The following ARL2 variants were observed in gnomAD, a reference collection of about 807,000 sequenced individuals.
The protein encoded by ARL2 is ADP-ribosylation factor-like protein 2.
A neutral mutation model predicts 22.0 loss-of-function variants in ARL2; 11 were observed. The observed-to-expected ratio is 0.50, with a 90% confidence interval of 0.31 to 0.83. ARL2 has a LOEUF of 0.83. Ranked by LOEUF, ARL2 falls within the 40% of genes least tolerant of loss-of-function variation. The probability of loss-of-function intolerance (pLI) is 0.04; values close to 1 mark genes in which losing one functional copy is unlikely to be tolerated. For synonymous variants in ARL2, 111 were observed against 100.8 expected, an observed-to-expected ratio of 1.10 and a Z score of -0.61; for missense variants, 216 against 243.2, an observed-to-expected ratio of 0.89 and a Z score of 0.74.
Position 65,022,061 on chromosome 11 carries a change from G to A in ARL2, c.*206G>A. The A allele has an allele frequency of 1.4e-6, 1 of 700,384 alleles. No individual in the cohort carries two copies. 43.4% of individuals were successfully genotyped at this position (700,384 alleles called of 1,614,324 possible). A position where few individuals can be genotyped will look rare whatever the true frequency, so the allele number is the denominator to read the frequency against. On this transcript the variant is annotated 3_prime_UTR_variant, in exon 5 of 5. Coordinates refer to ENST00000246747, the MANE Select transcript of ARL2 (RefSeq NM_001667.4). ...TGCCCTGGCTGTCTCTCTGGCTCCT[G>A]ACCTGGCCTTTGGCTACCATACCAA... is the stretch of plus-strand genomic sequence containing the variant.
rs1946333534 is a variant in ARL2 at position 65,021,945 on chromosome 11, C to G, written c.*90C>G. The G allele has an allele frequency of 1.3e-6, 2 of 1,512,578 alleles. No homozygotes were observed. Among genetic ancestry groups the G allele is most frequent in the Non-Finnish European group, 1.8e-6 (2 of 1,121,968 alleles). The allele number at this position is 1,512,578 out of a possible 1,614,324, so 93.7% of individuals were successfully genotyped here. A position where few individuals can be genotyped will look rare whatever the true frequency, so the allele number is the denominator to read the frequency against. On this transcript the variant is annotated 3_prime_UTR_variant, in exon 5 of 5. Coordinates refer to ENST00000246747, the MANE Select transcript of ARL2 (RefSeq NM_001667.4). The stretch of plus-strand genomic sequence containing the variant: ...GGGGGTTGGGAGTCAGCCGGCCAAA[C>G]TAACACTCCCCCTCCTCCACCCCAG...
At chr11:65,015,560 C>T (rs1554976932) in intron 1 of ARL2, among the ~76,000 whole-genome samples, 3 of 150,966 alleles carry the variant, frequency 2.0e-5, no homozygotes, top group South Asian at 2.1e-4. Context: ...TTCTGTAATG[C>T]GTGTGTGTGT....
At position 65,018,344 on chromosome 11, in the gene ARL2, C is replaced by A; in HGVS notation, c.66-20C>A. 2 of 1,577,580 alleles carry A rather than the reference C, an allele frequency of 1.3e-6. No homozygotes were observed. The highest frequency in any genetic ancestry group is 1.7e-6 in the Non-Finnish European group (2 of 1,161,190). On this transcript the variant is annotated intron_variant, in intron 1 of 4. Coordinates refer to ENST00000246747, the MANE Select transcript of ARL2 (RefSeq NM_001667.4). The surrounding 1 kb of genome is among the most constrained non-coding windows in gnomAD (Gnocchi z 4.2). Reference sequence around the variant, plus strand: ...ACCTGGCAGAGAACAGGGACTTCTCCTTAACCTGCTGCGCCCCAGTGGCCT... The same window carrying A: ...ACCTGGCAGAGAACAGGGACTTCTCATTAACCTGCTGCGCCCCAGTGGCCT...
Position 65,018,267 on chromosome 11 carries a change from A to C in ARL2, c.66-97A>C. The C allele has an allele frequency of 1.1e-6, 1 of 950,338 alleles. No individual in the cohort carries two copies. The highest frequency in any genetic ancestry group is 1.6e-6 in the Non-Finnish European group (1 of 629,678). 58.9% of individuals were successfully genotyped at this position (950,338 alleles called of 1,614,324 possible). Reference sequence around the variant, plus strand: ...TCAGGCATGTGCTCAACTCAGTTTGATACATGGTGGGAAATAATGAGTCCC... The same window carrying C: ...TCAGGCATGTGCTCAACTCAGTTTGCTACATGGTGGGAAATAATGAGTCCC... On this transcript the variant is annotated intron_variant, in intron 1 of 4. Transcript: ENST00000246747. The surrounding 1 kb of genome is among the most constrained non-coding windows in gnomAD (Gnocchi z 4.2).
At chr11:65,017,910 C>G (rs1298086199) in intron 1 of ARL2, among the ~76,000 whole-genome samples, 2 of 152,232 alleles carry the variant, frequency 1.3e-5, no homozygotes, top group East Asian at 3.8e-4. Context: ...AAGCTTGCTC[C>G]TTGTATTTTG....
At position 65,018,673 on chromosome 11, in the gene ARL2, C is replaced by A. The variant is rs1007133912; in HGVS notation, c.279C>A (p.Ser93Arg). 6.2e-7 allele frequency: 1 copy of A among 1,614,190 alleles called. No individual in the cohort carries two copies. The highest frequency in any genetic ancestry group is 8.5e-7 in the Non-Finnish European group (1 of 1,180,032). ...STDGLIWVVD[S>R]ADRQRMQDCQ... Reference sequence around the variant, plus strand: ...ATGGCCTCATCTGGGTAGTGGACAGCGCAGACCGCCAGCGCATGCAGGACT... The same window carrying A: ...ATGGCCTCATCTGGGTAGTGGACAGAGCAGACCGCCAGCGCATGCAGGACT... Residue 93 changes from serine to arginine, a missense_variant, in exon 3 of 5, where the codon AGC becomes AGA. Physicochemically the swap from Ser to Arg is moderately radical, Grantham distance 110. Transcript: ENST00000246747. The surrounding 1 kb of genome is among the most constrained non-coding windows in gnomAD (Gnocchi z 4.2).
chr11:65,017,368 G>T (rs955567346), intron 1 of ARL2, among the ~76,000 whole-genome samples: 1 of 151,956 alleles, frequency 6.6e-6, no homozygotes, highest in Non-Finnish European at 1.5e-5. Context: ...GCTGATTTTT[G>T]TAGTTTTAGT....
chr11:65,014,947 T>C (rs1946232285), intron 1 of ARL2, among the ~76,000 whole-genome samples: 1 of 146,256 alleles, frequency 6.8e-6, no homozygotes, highest in Non-Finnish European at 1.5e-5. Context: ...ATCATGACTG[T>C]TTTGTTTTTT....
chr11:65,020,401 C>A lies in ARL2; in HGVS notation c.340-18C>A, dbSNP rs1352370367. ...TCCTCTGAGTCCCCACCCCACCCCT[C>A]TATCTTTTCTCCCCCAGCGCCTGGC... On this transcript the variant is annotated intron_variant, in intron 3 of 4. Transcript: ENST00000246747. 6.2e-7 allele frequency: 1 copy of A among 1,605,660 alleles called. No homozygotes were observed. The highest frequency in any genetic ancestry group is 8.5e-7 in the Non-Finnish European group (1 of 1,174,470).
intron 4 of ARL2, 186 bp from the exon 5 acceptor site, chr11:65,021,533 CAG>C (rs1946327407): frequency 4.7e-6 from 3 of 640,658 alleles, no homozygotes; most frequent in Non-Finnish European, 7.9e-6. Context: ...TGGAACTGGA[CAG>C]AGAGCCCAGG....
chr11:65,018,454 C>T lies in ARL2; in HGVS notation c.156C>T (p.Ile52=). 1.2e-6 allele frequency: 2 copies of T among 1,608,544 alleles called. No individual in the cohort carries two copies. The highest frequency in any genetic ancestry group is 8.5e-7 in the Non-Finnish European group (1 of 1,177,724). ...DTISPTLGFN[I]KTLEHRGFKL... ...TCTCCCCAACGCTGGGCTTCAACAT[C>T]AAGACCCTGGAGCACCGAGGGTGAG... Residue 52 remains isoleucine, a synonymous_variant, in exon 2 of 5, where the codon ATC becomes ATT. Transcript: ENST00000246747. The surrounding 1 kb of genome is among the most constrained non-coding windows in gnomAD (Gnocchi z 4.2).
intron 1 of ARL2, among the ~76,000 whole-genome samples, chr11:65,014,540 G>A (rs1022298141): frequency 5.3e-5 from 8 of 152,172 alleles, no homozygotes; most frequent in Non-Finnish European, 1.2e-4. Flanking sequence ...GGTGGGTCCC[G>A]GAGATAACTC....
rs774017732 is a variant in ARL2, at chr11:65,018,739, C to G, written c.339+6C>G. 1.7e-5 allele frequency: 28 copies of G among 1,613,860 alleles called. No individual in the cohort carries two copies. The South Asian group carries it at 2.7e-4, about 16-fold the overall frequency. Reference sequence around the variant, plus strand: ...AGAGCCTGCTGGTGGAGGAGGTGGGCAGCTCCTACCCTTTGTGTACATGTA... The same window carrying G: ...AGAGCCTGCTGGTGGAGGAGGTGGGGAGCTCCTACCCTTTGTGTACATGTA... On this transcript the variant is annotated splice_donor_region_variant and intron_variant, in intron 3 of 4. Coordinates refer to ENST00000246747, the MANE Select transcript of ARL2 (RefSeq NM_001667.4). The surrounding 1 kb of genome is among the most constrained non-coding windows in gnomAD (Gnocchi z 4.2).
chr11:65,017,678 T>C (rs761205357), intron 1 of ARL2, among the ~76,000 whole-genome samples: 2 of 152,040 alleles, frequency 1.3e-5, no homozygotes, highest in Admixed American at 6.6e-5. Context: ...GCCTAGGTCA[T>C]TTGCCCCAGC....
chr11:65,020,263 A>G (rs1483384100), intron 3 of ARL2, among the ~76,000 whole-genome samples, 156 bp from the exon 4 acceptor site: 2 of 152,110 alleles, frequency 1.3e-5, no homozygotes, highest in Non-Finnish European at 2.9e-5. Flanking sequence ...CTTGATGGCT[A>G]CGTCCACAAA....
At chr11:65,015,474 T>C (rs1590728413) in intron 1 of ARL2, among the ~76,000 whole-genome samples, 1 of 152,300 alleles carries the variant, frequency 6.6e-6, no homozygotes, top group South Asian at 2.1e-4. Flanking sequence ...TTGATAAATA[T>C]TGAGTGCCTA....
chr11:65,016,586 A>T (rs1194873478), intron 1 of ARL2, among the ~76,000 whole-genome samples: 1 of 151,984 alleles, frequency 6.6e-6, no homozygotes, highest in Non-Finnish European at 1.5e-5. Context: ...GTGAGGAACC[A>T]TTTGCTGAGA....
Position 65,018,860 on chromosome 11 carries a change from C to T in ARL2, c.339+127C>T, listed in dbSNP as rs1331294256. 6.5e-7 allele frequency: 1 copy of T among 1,539,178 alleles called. No homozygotes were observed. The highest frequency in any genetic ancestry group is 2.4e-5 in the East Asian group (1 of 41,184). On this transcript the variant is annotated intron_variant, in intron 3 of 4. Coordinates refer to ENST00000246747, the MANE Select transcript of ARL2 (RefSeq NM_001667.4). The surrounding 1 kb of genome is among the most constrained non-coding windows in gnomAD (Gnocchi z 4.2). ...ATCCCTTCCTTCTCTGGGCCCCCAC[C>T]ATGGGAGGCCCATGGTGCCAGAGGC...
intron 1 of ARL2, 81 bp downstream of exon 1, chr11:65,014,353 G>T (rs867027818): frequency 6.4e-5 from 80 of 1,241,896 alleles, no homozygotes; most frequent in Middle Eastern, 6.1e-4. Context: ...GTCGGGAGCG[G>T]AACGCGGCGG....
Sources: gnomAD v4.1 joint callset for allele counts (sites outside exome capture counted in the v4.1 genomes callset) on GRCh38, gnomAD v4.1.1 for gene constraint, Gnocchi (gnomAD v3.1) non-coding constraint, MANE v1.5 for transcripts, NCBI Gene and HGNC (gene_info 2026-07-23, HGNC 2026-07-21) for gene names.